Variants in BTBD16 observed in about 807,000 individuals in gnomAD.
The protein encoded by BTBD16 is BTB domain containing 16.
In BTBD16, 66 loss-of-function variants were observed where a neutral mutation model predicts 67.4. That is an observed-to-expected ratio of 0.98 (90% CI 0.80 to 1.20). The LOEUF is 1.20. BTBD16 is among the 50% of genes most tolerant of loss of function. BTBD16 has a pLI of 0.00. For synonymous variants in BTBD16, 242 were observed against 236.4 expected (o/e 1.02, Z -0.22); for missense variants, 634 against 616.0 (o/e 1.03, Z -0.31).
intron 9 of BTBD16, among the ~76,000 whole-genome samples, chr10:122,305,528 C>T (rs536233659): frequency 7.9e-5 from 12 of 152,288 alleles, no homozygotes; most frequent in African/African-American, 2.9e-4. Flanking sequence ...TCCTCCTCCC[C>T]CTTTACCTTC....
chr10:122,331,181 G>A lies in BTBD16; in HGVS notation c.1009G>A (p.Asp337Asn). Residue 337 changes from aspartate to asparagine, a missense_variant, in exon 12 of 16, where the codon GAT becomes AAT. By Grantham distance (23) the Asp-to-Asn change is conservative. Transcript: ENST00000260723. Reference sequence around the variant, plus strand: ...CTCTTTGCGTTTCTTCCCAGGCAAGGATCTGGAGGTGCTGCGGCACCTTAA... The same window carrying A: ...CTCTTTGCGTTTCTTCCCAGGCAAGAATCTGGAGGTGCTGCGGCACCTTAA... Reference protein sequence around the residue: ...LRLHGITKGKDLEVLRHLNFF... With the variant: ...LRLHGITKGKNLEVLRHLNFF... 1 of 1,612,642 alleles carries A rather than the reference G, an allele frequency of 6.2e-7. No individual in the cohort carries two copies. Among genetic ancestry groups the A allele is most frequent in the Non-Finnish European group, 8.5e-7 (1 of 1,179,544 alleles).
chr10:122,287,552 A>G, intron 5 of BTBD16: 1 of 856,260 alleles, frequency 1.2e-6, no homozygotes, highest in Non-Finnish European at 1.4e-6. Context: ...GTCTCCTCGC[A>G]AGTTCCATGG....
chr10:122,300,083 G>A (rs543900863), intron 9 of BTBD16, among the ~76,000 whole-genome samples: 21 of 152,050 alleles, frequency 1.4e-4, no homozygotes, highest in Admixed American at 3.3e-4. Context: ...GGCTTTTTAG[G>A]TTATTTCTAA....
At chr10:122,285,628 T>C (rs998462039) in intron 4 of BTBD16, among the ~76,000 whole-genome samples, 7 of 152,096 alleles carry the variant, frequency 4.6e-5, no homozygotes, top group African/African-American at 1.7e-4. Context: ...AGTAGGTAGA[T>C]GCCAGGGCTG....
chr10:122,288,775 G>A lies in BTBD16; in HGVS notation c.386-1134G>A, dbSNP rs991268911. Among the ~76,000 whole-genome samples the A allele has an allele frequency of 5.5e-4, 83 of 152,216 alleles. 1 individual carries two copies. Among genetic ancestry groups the A allele is most frequent in the Non-Finnish European group, 1.2e-4 (8 of 68,036 alleles). On this transcript the variant is annotated intron_variant, in intron 5 of 15. Transcript: ENST00000260723. ...GGTCAGGAAAGCCCTCTCGGGGGGA[G>A]GGACATGTGAGAAGACCCCCGATGA...
chr10:122,282,394 C>G (rs1170763460), intron 3 of BTBD16, among the ~76,000 whole-genome samples: 4 of 152,186 alleles, frequency 2.6e-5, no homozygotes, highest in Admixed American at 2.0e-4. Context: ...GGCAGCCATC[C>G]TCCCCCCTTG....
At chr10:122,283,543 T>C (rs2096357244) in intron 3 of BTBD16, among the ~76,000 whole-genome samples, 1 of 152,196 alleles carries the variant, frequency 6.6e-6, no homozygotes, top group African/African-American at 2.4e-5. Context: ...GTGTCTACTA[T>C]ATGCTAGATA....
chr10:122,300,983 T>C (rs1455003596), intron 9 of BTBD16, among the ~76,000 whole-genome samples: 4 of 152,144 alleles, frequency 2.6e-5, no homozygotes, highest in Non-Finnish European at 4.4e-5. Context: ...GGGAGGCAGG[T>C]AGAACAGAGT....
intron 10 of BTBD16, among the ~76,000 whole-genome samples, chr10:122,314,505 A>G (rs2096420356): frequency 6.6e-6 from 1 of 152,188 alleles, no homozygotes; most frequent in African/African-American, 2.4e-5. Flanking sequence ...CCCTGTCTCA[A>G]AAAAAATTAA....
intron 13 of BTBD16, among the ~76,000 whole-genome samples, chr10:122,334,295 A>G (rs1035685773): frequency 4.0e-5 from 6 of 148,750 alleles, no homozygotes; most frequent in Non-Finnish European, 7.4e-5. Flanking sequence ...TCCTGGGTTC[A>G]TGCTATTCTC....
intron 10 of BTBD16, among the ~76,000 whole-genome samples, chr10:122,316,018 G>A (rs1478322791): frequency 6.6e-6 from 1 of 152,158 alleles, no homozygotes; most frequent in Non-Finnish European, 1.5e-5. Flanking sequence ...TGTAATCCCA[G>A]CACCTTGGGA....
intron 2 of BTBD16, 39 bp from the exon 3 acceptor site, chr10:122,276,752 G>A (rs2096341357): frequency 1.9e-6 from 3 of 1,594,862 alleles, no homozygotes; most frequent in South Asian, 2.2e-5. Context: ...TGTGAAGTTA[G>A]AAAAAAAGAT....
intron 14 of BTBD16, 150 bp downstream of exon 14, chr10:122,335,129 G>A (rs2096461546): frequency 1.9e-6 from 1 of 520,020 alleles, no homozygotes; most frequent in East Asian, 3.5e-5. Context: ...TGTATGTGAT[G>A]TCATTTGATT....
At chr10:122,274,209 T>C (rs1166375916) in intron 1 of BTBD16, among the ~76,000 whole-genome samples, 1 of 152,190 alleles carries the variant, frequency 6.6e-6, no homozygotes, top group African/African-American at 2.4e-5. Flanking sequence ...GTTGGGAGAA[T>C]TAGTCAAGGT....
At chr10:122,327,629 A>G in intron 10 of BTBD16, 1 of 985,400 alleles carries the variant, frequency 1.0e-6, no homozygotes, top group Non-Finnish European at 1.2e-6. Context: ...TGTCATCCAC[A>G]AAAGTGGGCA....
At chr10:122,287,699 T>C (rs2096366510) in intron 5 of BTBD16, among the ~76,000 whole-genome samples, 1 of 152,230 alleles carries the variant, frequency 6.6e-6, no homozygotes, top group Non-Finnish European at 1.5e-5. Flanking sequence ...CTCAATATCA[T>C]CTGTGTTGCT....
chr10:122,286,754 G>A (rs917810166), intron 5 of BTBD16, among the ~76,000 whole-genome samples: 5 of 151,936 alleles, frequency 3.3e-5, no homozygotes, highest in East Asian at 1.9e-4. Flanking sequence ...TTCTCTTCTC[G>A]TCTCTCTTCC....
intron 10 of BTBD16, among the ~76,000 whole-genome samples, chr10:122,321,405 A>C (rs1735272873): frequency 6.6e-6 from 1 of 152,158 alleles, no homozygotes; most frequent in Non-Finnish European, 1.5e-5. Flanking sequence ...GGTATAGTGC[A>C]ATTTTCAGTT....
chr10:122,307,331 G>C (rs749824622), intron 10 of BTBD16, 23 bp downstream of exon 10: 1 of 1,578,780 alleles, frequency 6.3e-7, no homozygotes, highest in Non-Finnish European at 8.6e-7. Flanking sequence ...AGTGTTGATT[G>C]ATGAAATACA....
Sources: gnomAD v4.1 joint callset for allele counts (sites outside exome capture counted in the v4.1 genomes callset) on GRCh38, gnomAD v4.1.1 for gene constraint, MANE v1.5 for transcripts, NCBI Gene and HGNC (gene_info 2026-07-23, HGNC 2026-07-21) for gene names.